The following RNF111 variants were observed in gnomAD, a reference collection of about 807,000 sequenced individuals.
RNF111 encodes E3 ubiquitin-protein ligase Arkadia.
In RNF111, 17 loss-of-function variants were observed where a neutral mutation model predicts 95.1. The ratio of observed to expected loss-of-function variants is 0.18; its 90% CI spans 0.12 to 0.27. The LOEUF (loss-of-function observed/expected upper bound fraction) is 0.27. RNF111 is among the 10% of genes least tolerant of loss of function. The pLI is 1.00. For synonymous variants in RNF111, 440 were observed against 414.8 expected (o/e 1.06, Z -0.74); for missense variants, 1,189 against 1,210.4 (o/e 0.98, Z 0.26).
chr15:59,046,956 C>G (rs1030705183), intron 2 of RNF111, among the ~76,000 whole-genome samples: 1 of 151,982 alleles, frequency 6.6e-6, no homozygotes, highest in African/African-American at 2.4e-5. Context: ...CAGACTCGGC[C>G]CCCTGGTTTC....
At chr15:59,076,663 C>T (rs532425715) in intron 7 of RNF111, among the ~76,000 whole-genome samples, 10 of 152,194 alleles carry the variant, frequency 6.6e-5, no homozygotes, top group Admixed American at 5.2e-4. Flanking sequence ...AGTTTGAGAC[C>T]AGCCTAGGCA....
intron 2 of RNF111, among the ~76,000 whole-genome samples, chr15:59,047,902 C>A (rs758322787): frequency 2.6e-5 from 4 of 152,116 alleles, no homozygotes; most frequent in Admixed American, 6.5e-5. Flanking sequence ...GTTATTAAAA[C>A]CACAATGAGA....
At chr15:59,043,395 G>C (rs1388354352) in intron 2 of RNF111, among the ~76,000 whole-genome samples, 2 of 152,142 alleles carry the variant, frequency 1.3e-5, no homozygotes, top group African/African-American at 4.8e-5. Context: ...GACCTCAGGT[G>C]ATCTGCCTGC....
At chr15:59,093,119 T>G (rs1378001775) in intron 13 of RNF111, among the ~76,000 whole-genome samples, 3 of 152,180 alleles carry the variant, frequency 2.0e-5, no homozygotes, top group African/African-American at 4.8e-5. Flanking sequence ...AATAAAAGAT[T>G]AAAGTATCTA....
intron 10 of RNF111, among the ~76,000 whole-genome samples, chr15:59,088,716 T>TAATAAACCTATAATAAAG: frequency 6.6e-6 from 1 of 152,352 alleles, no homozygotes; most frequent in East Asian, 1.9e-4. Context: ...TGCAAACCTC[T>TAATAAACCTATAATAAAG]GTTCACAACT....
At chr15:59,023,419 A>G (rs879874872) in intron 1 of RNF111, among the ~76,000 whole-genome samples, 1 of 152,198 alleles carries the variant, frequency 6.6e-6, no homozygotes, top group African/African-American at 2.4e-5. Flanking sequence ...CATACCAGAT[A>G]TTAAATATTT....
intron 1 of RNF111, among the ~76,000 whole-genome samples, chr15:59,001,414 C>T (rs1442639622): frequency 6.6e-6 from 1 of 152,004 alleles, no homozygotes; most frequent in East Asian, 1.9e-4. Flanking sequence ...CTATTAGTTC[C>T]TATTTTTGTT....
At position 59,095,352 on chromosome 15, in the gene RNF111, A is replaced by G. The variant is rs1424263878; in HGVS notation, c.*452A>G. The G allele has an allele frequency of 6.0e-6, 1 of 166,730 alleles. No homozygotes were observed. The highest frequency in any genetic ancestry group is 1.3e-5 in the Non-Finnish European group (1 of 78,262). 10.3% of individuals were successfully genotyped at this position (166,730 alleles called of 1,614,324 possible). On this transcript the variant is annotated 3_prime_UTR_variant, in exon 14 of 14. Coordinates refer to ENST00000348370, the MANE Select transcript of RNF111 (RefSeq NM_017610.8). Reference sequence around the variant, plus strand: ...AGTTTAATGTATAAAGATCCTCTAGAAAATGATAATATTGTGTATTAAGAC... The same window carrying G: ...AGTTTAATGTATAAAGATCCTCTAGGAAATGATAATATTGTGTATTAAGAC...
At chr15:59,076,315 A>C in intron 7 of RNF111, 100 bp downstream of exon 7, 1 of 1,357,506 alleles carries the variant, frequency 7.4e-7, no homozygotes, top group Non-Finnish European at 1.0e-6. Context: ...TTAAATTTTT[A>C]GTATTTACTT....
intron 5 of RNF111, among the ~76,000 whole-genome samples, chr15:59,063,095 C>G (rs1202501068): frequency 1.3e-5 from 2 of 152,168 alleles, no homozygotes; most frequent in Non-Finnish European, 2.9e-5. Context: ...TGATGAGCTT[C>G]CTTAAGGGCC....
chr15:59,073,036 G>A (rs1264485302), intron 6 of RNF111, among the ~76,000 whole-genome samples: 1 of 152,192 alleles, frequency 6.6e-6, no homozygotes, highest in African/African-American at 2.4e-5. Flanking sequence ...GCTGGGTGCA[G>A]TGGCACGCGC....
intron 1 of RNF111, among the ~76,000 whole-genome samples, chr15:59,000,260 C>T (rs2039266734): frequency 6.7e-6 from 1 of 149,860 alleles, no homozygotes; most frequent in Non-Finnish European, 1.5e-5. Context: ...GCCTCCTGGG[C>T]TCAGGCAGTC....
Position 58,993,615 on chromosome 15 carries a change from C to A in RNF111, c.-20+5547C>A, listed in dbSNP as rs796830896. Among the ~76,000 whole-genome samples the A allele has an allele frequency of 3.9e-5, 6 of 152,232 alleles. No homozygotes were observed. The East Asian group carries it at 5.8e-4, about 15-fold the overall frequency. On this transcript the variant is annotated intron_variant, in intron 1 of 13. Transcript: ENST00000348370. ...TCATTTTGATAAAAATACAGTATTTCGTTTCTATTTGTAAATGTTCAGTAT... is the reference window on the plus strand; with the variant it reads ...TCATTTTGATAAAAATACAGTATTTAGTTTCTATTTGTAAATGTTCAGTAT...
In RNF111 at chr15:59,081,282, A is replaced by G; in HGVS notation, c.2295A>G (p.Pro765=). 1 of 1,610,318 alleles carries G rather than the reference A, an allele frequency of 6.2e-7. No individual in the cohort carries two copies. The highest frequency in any genetic ancestry group is 8.5e-7 in the Non-Finnish European group (1 of 1,176,898). ...AAAGGAGGAGGATGATGCAGCATCC[A>G]ACGTATGTTTTACGTTTTTAAAAAG... ...EVQRRRMMQH[P]TRAHERPPPH... The change falls in exon 8 of 14, where the codon CCA becomes CCG. Residue 765 remains proline (P), a splice_region_variant and synonymous_variant. Transcript: ENST00000348370.
At chr15:59,007,712 G>A (rs1307156280) in intron 1 of RNF111, among the ~76,000 whole-genome samples, 1 of 152,126 alleles carries the variant, frequency 6.6e-6, no homozygotes, top group Non-Finnish European at 1.5e-5. Flanking sequence ...TATTGGGTGT[G>A]TAATGGTATA....
At position 59,094,682 on chromosome 15, in the gene RNF111, G is replaced by C. The variant is rs1353257320; in HGVS notation, c.2844-101G>C. 3 of 708,906 alleles carry C rather than the reference G, an allele frequency of 4.2e-6. No homozygotes were observed. The East Asian group carries it at 8.5e-5, about 20-fold the overall frequency. The allele number at this position is 708,906 out of a possible 1,614,324, so 43.9% of individuals were successfully genotyped here. The stretch of plus-strand genomic sequence containing the variant: ...TTTTTATAGAAGAGGAAGATGCTTA[G>C]TACCTTCAAAACATTATTGAATTAT... On this transcript the variant is annotated intron_variant, in intron 13 of 13. Transcript: ENST00000348370.
chr15:59,074,363 C>T (rs1186847496), intron 6 of RNF111, among the ~76,000 whole-genome samples: 3 of 152,308 alleles, frequency 2.0e-5, no homozygotes, highest in Middle Eastern at 3.4e-3. Flanking sequence ...GTTTTGTCGA[C>T]ATGGAAAATC....
chr15:59,070,650 A>G (rs1236812500), intron 6 of RNF111, among the ~76,000 whole-genome samples: 1 of 152,206 alleles, frequency 6.6e-6, no homozygotes, highest in East Asian at 1.9e-4. Context: ...CATATACTTG[A>G]TTGTAGATAA....
chr15:59,094,392 A>C (rs1458360374), intron 13 of RNF111, among the ~76,000 whole-genome samples: 1 of 152,200 alleles, frequency 6.6e-6, no homozygotes, highest in African/African-American at 2.4e-5. Context: ...TATTTGAGAT[A>C]ATATGTATTT....
Sources: allele counts gnomAD v4.1 joint callset (sites outside exome capture counted in the v4.1 genomes callset), GRCh38; gene constraint gnomAD v4.1.1; transcripts MANE v1.5; gene names NCBI Gene and HGNC (gene_info 2026-07-23, HGNC 2026-07-21).